The following FBRS variants were observed in gnomAD, a reference collection of about 807,000 sequenced individuals.
The protein encoded by FBRS is fibrosin.
FBRS carries 15 observed loss-of-function variants against 86.1 expected under a neutral mutation model. The observed-to-expected ratio is 0.17, with a 90% CI of 0.12 to 0.27. The LOEUF (loss-of-function observed/expected upper bound fraction) is 0.27. Ranked by LOEUF, FBRS falls within the 10% of genes least tolerant of loss-of-function variation. FBRS has a pLI of 1.00. For synonymous variants in FBRS, 666 were observed against 575.8 expected, an observed-to-expected ratio of 1.16 and a Z score of -2.24; for missense variants, 1,367 against 1,301.6, an observed-to-expected ratio of 1.05 and a Z score of -0.77.
In FBRS at chr16:30,659,950, C is replaced by T. The variant is rs1356554222; in HGVS notation, c.432C>T (p.Ala144=). 5 of 1,550,708 alleles carry T rather than the reference C, an allele frequency of 3.2e-6. No homozygotes were observed. Among genetic ancestry groups the T allele is most frequent in the East Asian group, 2.4e-5 (1 of 40,866 alleles). The stretch of plus-strand genomic sequence containing the variant: ...ACTTGATCGATGGCTTCGCCATCGC[C>T]AGCTTCGCCACCCTCGAGGCCTTGC... ...EEDLIDGFAI[A]SFATLEALQK... Residue 144 remains alanine, a synonymous_variant, in exon 1 of 18, where the codon GCC becomes GCT. Coordinates refer to ENST00000356166, the MANE Select transcript of FBRS (RefSeq NM_001105079.3).
chr16:30,668,829 C>G lies in FBRS; in HGVS notation c.2216C>G (p.Ser739Cys). ...ESPGAPPAFA[S>C]PPDPWGRLHR... is the part of the protein sequence containing the mutation. ...CCAGGGGCCCCACCAGCCTTCGCCT[C>G]CCCACCGGACCCATGGGGCCGCCTG... The change falls in exon 17 of 18, where the codon TCC becomes TGC. Residue 739 changes from serine (S) to cysteine (C), a missense_variant. Ser to Cys is a moderately radical substitution (Grantham distance 112, BLOSUM62 -1). Around this residue, in one of 3 missense-constraint regions of FBRS, gnomAD observed 659 missense variants for 678.8 expected, o/e 0.97. Coordinates refer to ENST00000356166, the MANE Select transcript of FBRS (RefSeq NM_001105079.3). 1 of 1,596,468 alleles carries G rather than the reference C, an allele frequency of 6.3e-7. No homozygotes were observed.
In FBRS at chr16:30,670,461, C is replaced by G. The variant is rs1171041123; in HGVS notation, c.*816C>G. On this transcript the variant is annotated 3_prime_UTR_variant, in exon 18 of 18. Transcript: ENST00000356166. ...CAGACTCCACCACCTCTTAATGGCTCAGTCCCCTTCACCCCATTTCCAAGT... is the reference window on the plus strand; with the variant it reads ...CAGACTCCACCACCTCTTAATGGCTGAGTCCCCTTCACCCCATTTCCAAGT... The G allele has an allele frequency of 2.9e-6, 1 of 342,038 alleles. No homozygotes were observed. Among genetic ancestry groups the G allele is most frequent in the Admixed American group, 4.0e-5 (1 of 24,896 alleles). The allele number at this position is 342,038 out of a possible 1,614,324, so 21.2% of individuals were successfully genotyped here. A position where few individuals can be genotyped will look rare whatever the true frequency, so the allele number is the denominator to read the frequency against.
chr16:30,659,322 T>G lies in FBRS; in HGVS notation c.-197T>G. ...AGCCCGCAGGGGGGGCCCTCGGGCT[T>G]GTCGCCCCGGGGGCGGCGCCGGCTC... On this transcript the variant is annotated 5_prime_UTR_variant, in exon 1 of 18. Coordinates refer to ENST00000356166, the MANE Select transcript of FBRS (RefSeq NM_001105079.3). 5.3e-6 allele frequency: 1 copy of G among 187,494 alleles called. No individual in the cohort carries two copies. The highest frequency in any genetic ancestry group is 1.1e-5 in the Non-Finnish European group (1 of 91,794). The allele number at this position is 187,494 out of a possible 1,614,324, so 11.6% of individuals were successfully genotyped here. A position where few individuals can be genotyped will look rare whatever the true frequency, so the allele number is the denominator to read the frequency against.
Position 30,659,821 on chromosome 16 carries a change from C to A in FBRS, c.303C>A (p.Gly101=). The A allele has an allele frequency of 6.6e-7, 1 of 1,519,404 alleles. No individual in the cohort carries two copies. The highest frequency in any genetic ancestry group is 8.8e-7 in the Non-Finnish European group (1 of 1,137,690). 94.1% of individuals were successfully genotyped at this position (1,519,404 alleles called of 1,614,324 possible). The part of the protein sequence containing the change: ...PRPRARKRPA[G]SGSRGEEEEE... ...CCCGAGCTCGGAAGCGGCCTGCCGG[C>A]TCGGGCAGCCGCGGGGAGGAAGAGG... Residue 101 remains glycine (G), a synonymous_variant, in exon 1 of 18, where the codon GGC becomes GGA. Coordinates refer to ENST00000356166, the MANE Select transcript of FBRS (RefSeq NM_001105079.3).
At chr16:30,666,411 T>C (rs1401143505) in intron 11 of FBRS, 101 bp from the exon 12 acceptor site, 10 of 1,456,856 alleles carry the variant, frequency 6.9e-6, no homozygotes, top group Admixed American at 1.7e-5. Context: ...AGTCCCAGTG[T>C]CTCAGGCATG....
At chr16:30,661,976 C>G (rs1272112423) in intron 4 of FBRS, 2 of 198,162 alleles carry the variant, frequency 1.0e-5, no homozygotes, top group Non-Finnish European at 2.1e-5. Flanking sequence ...CTGATTGTTG[C>G]TACGAGAACA....
chr16:30,661,044 C>A, intron 2 of FBRS, 136 bp from the exon 3 acceptor site: 1 of 1,341,714 alleles, frequency 7.5e-7, no homozygotes. Context: ...CCCGGGTGGG[C>A]AGTGGCGGGA....
In FBRS at chr16:30,664,512, T is replaced by C; in HGVS notation, c.1353T>C (p.Leu451=). The change falls in exon 7 of 18, where the codon CTT becomes CTC. Residue 451 remains leucine (L), a synonymous_variant. Transcript: ENST00000356166. ...GHPGASAANA[L]SEQDLIGQDL... ...CTGGGGCCTCAGCCGCTAACGCCCT[T>C]TCTGGTGAGTTTGGGGTCCTGGCCG... 1.4e-6 allele frequency: 2 copies of C among 1,417,094 alleles called. No individual in the cohort carries two copies. Among genetic ancestry groups the C allele is most frequent in the South Asian group, 1.5e-5 (1 of 65,760 alleles). The allele number at this position is 1,417,094 out of a possible 1,614,324, so 87.8% of individuals were successfully genotyped here. A position where few individuals can be genotyped will look rare whatever the true frequency, so the allele number is the denominator to read the frequency against.
At position 30,664,893 on chromosome 16, in the gene FBRS, C is replaced by A. The variant is rs769272213; in HGVS notation, c.1536C>A (p.Gly512=). The A allele has an allele frequency of 4.0e-5, 65 of 1,610,202 alleles. No homozygotes were observed. The highest frequency in any genetic ancestry group is 5.0e-5 in the Non-Finnish European group (59 of 1,178,258). Residue 512 remains glycine, a synonymous_variant, in exon 8 of 18, where the codon GGC becomes GGA. Coordinates refer to ENST00000356166, the MANE Select transcript of FBRS (RefSeq NM_001105079.3). ...THQHFTPYPP[G]LLPPHGPHMF... ...AGCACTTCACCCCTTATCCCCCGGG[C>A]CTGCTGCCACCCCACGGCCCCCACA...
At position 30,662,654 on chromosome 16, in the gene FBRS, C is replaced by T; in HGVS notation, c.850C>T (p.Pro284Ser). 1 of 1,548,182 alleles carries T rather than the reference C, an allele frequency of 6.5e-7. No individual in the cohort carries two copies. Among genetic ancestry groups the T allele is most frequent in the South Asian group, 1.2e-5 (1 of 83,832 alleles). The change falls in exon 6 of 18, where the codon CCG becomes TCG. Residue 284 changes from proline (P) to serine (S), a missense_variant. Pro to Ser is a moderately conservative substitution (Grantham distance 74). This residue lies in a region of FBRS where 702 missense variants were observed against 598.7 expected (regional missense o/e 1.17). Transcript: ENST00000356166. ...CCTGGAGCGGAGCCAAGAACAGCCCCCGGGGCCCGACCCGCTGCTAGTGCC... is the reference window on the plus strand; with the variant it reads ...CCTGGAGCGGAGCCAAGAACAGCCCTCGGGGCCCGACCCGCTGCTAGTGCC... ...SGLERSQEQP[P>S]GPDPLLVPFP...
At chr16:30,661,377 A>C (rs1312857823) in intron 4 of FBRS, 44 bp downstream of exon 4, 3 of 1,550,508 alleles carry the variant, frequency 1.9e-6, no homozygotes, top group Non-Finnish European at 2.6e-6. Flanking sequence ...ACTGCTTGTA[A>C]AAGGGACTGC....
In FBRS at chr16:30,659,932, C is replaced by T. The variant is rs779278080; in HGVS notation, c.414C>T (p.Ile138=). 50 of 1,551,362 alleles carry T rather than the reference C, an allele frequency of 3.2e-5. 1 individual carries two copies. In the Admixed American group the frequency reaches 6.3e-4, roughly 19 times the overall value. The part of the protein sequence containing the change: ...EEEEEEEEDL[I]DGFAIASFAT... ...AGGAAGAGGAGGAGGAGGACTTGAT[C>T]GATGGCTTCGCCATCGCCAGCTTCG... Residue 138 remains isoleucine (I), a synonymous_variant, in exon 1 of 18, where the codon ATC becomes ATT. Transcript: ENST00000356166.
chr16:30,662,127 A>T, intron 4 of FBRS: 1 of 388,746 alleles, frequency 2.6e-6, no homozygotes, highest in East Asian at 4.8e-5. Flanking sequence ...CCTGTGGGCC[A>T]GCAGCTAGTG....
chr16:30,665,186 G>A lies in FBRS; in HGVS notation c.1608+107G>A, dbSNP rs1270083546. 2.6e-6 allele frequency: 4 copies of A among 1,528,308 alleles called. No homozygotes were observed. Among genetic ancestry groups the A allele is most frequent in the East Asian group, 4.7e-5 (2 of 42,400 alleles). 94.7% of individuals were successfully genotyped at this position (1,528,308 alleles called of 1,614,324 possible). On this transcript the variant is annotated intron_variant, in intron 9 of 17. Coordinates refer to ENST00000356166, the MANE Select transcript of FBRS (RefSeq NM_001105079.3). This position sits in a 1 kb window ranked among gnomAD's most constrained non-coding sequence, Gnocchi z 4.1. ...TCCAGTCTTCAGCACAAAAGCAAGA[G>A]CCTTGAGCCTGGGACAGCTCCCTGG... is the stretch of plus-strand genomic sequence containing the variant.
At position 30,658,652 on chromosome 16, in the gene FBRS, A is replaced by G. The variant is rs1402806064; in HGVS notation, c.-867A>G. 6.6e-6 allele frequency: 1 copy of G among 152,248 alleles called. No individual in the cohort carries two copies. Among genetic ancestry groups the G allele is most frequent in the Non-Finnish European group, 1.5e-5 (1 of 68,064 alleles). The allele number at this position is 152,248 out of a possible 1,614,324, so 9.4% of individuals were successfully genotyped here. A position where few individuals can be genotyped will look rare whatever the true frequency, so the allele number is the denominator to read the frequency against. ...GGCGGACAGGGGAGCTGTACCCGTC[A>G]CCGTTGCCTCACATCCGGGGCTTTG... On this transcript the variant is annotated 5_prime_UTR_variant, in exon 1 of 18. Coordinates refer to ENST00000356166, the MANE Select transcript of FBRS (RefSeq NM_001105079.3).
intron 13 of FBRS, 109 bp from the exon 14 acceptor site, chr16:30,667,211 G>A: frequency 2.0e-6 from 2 of 993,030 alleles, no homozygotes; most frequent in Non-Finnish European, 3.0e-6. Context: ...AGGCATCCAG[G>A]CCCCATCTGG....
chr16:30,660,803 G>A (rs1330814466), intron 2 of FBRS, among the ~76,000 whole-genome samples: 1 of 152,204 alleles, frequency 6.6e-6, no homozygotes, highest in Admixed American at 6.5e-5. Flanking sequence ...AGAAGCTACA[G>A]AAGACAAAGA....
rs771228797 is a variant in FBRS at position 30,669,124 on chromosome 16, C to G, written c.2422C>G (p.Arg808Gly). The stretch of plus-strand genomic sequence containing the variant: ...AGTTTCTCCTGCTACTCCCAAGGCC[C>G]GGGCTGGTGAGGAGGGGCCTCGGCC... Reference protein sequence around the residue: ...LRVSPATPKARAGEEGPRPTK... With the variant: ...LRVSPATPKAGAGEEGPRPTK... Residue 808 changes from arginine (R) to glycine (G), a missense_variant, in exon 18 of 18, where the codon CGG becomes GGG. By Grantham distance (125) the Arg-to-Gly change is moderately radical. Transcript: ENST00000356166. This position sits in a 1 kb window ranked among gnomAD's most constrained non-coding sequence, Gnocchi z 5.9. The G allele has an allele frequency of 6.3e-7, 1 of 1,586,900 alleles. No individual in the cohort carries two copies. The highest frequency in any genetic ancestry group is 1.8e-5 in the Admixed American group (1 of 56,276).
chr16:30,669,579 G>T lies in FBRS; in HGVS notation c.2877G>T (p.Pro959=). Residue 959 remains proline, a synonymous_variant, in exon 18 of 18, where the codon CCG becomes CCT. Transcript: ENST00000356166. The surrounding 1 kb of genome is among the most constrained non-coding windows in gnomAD (Gnocchi z 5.9). ...PPGALLGAPP[P]LVPAPRPSSP... is the part of the protein sequence containing the mutation. ...GAGCCCTTTTGGGGGCACCACCTCC[G>T]CTTGTGCCCGCCCCCCGGCCCAGTT... is the stretch of plus-strand genomic sequence containing the variant. The T allele has an allele frequency of 1.9e-6, 3 of 1,611,994 alleles. No individual in the cohort carries two copies. Among genetic ancestry groups the T allele is most frequent in the Non-Finnish European group, 1.7e-6 (2 of 1,179,736 alleles).
Sources: allele counts gnomAD v4.1 joint callset (sites outside exome capture counted in the v4.1 genomes callset), GRCh38; gene constraint gnomAD v4.1.1; regional missense constraint gnomAD v4.1.1; non-coding constraint Gnocchi (gnomAD v3.1); transcripts MANE v1.5; gene names NCBI Gene and HGNC (gene_info 2026-07-23, HGNC 2026-07-21).